KCNQ5: variants seen among roughly 807,000 people sequenced by gnomAD.
The protein encoded by KCNQ5 is potassium voltage-gated channel subfamily Q member 5, also known as potassium voltage-gated channel subfamily KQT member 5.
In KCNQ5, 30 loss-of-function variants were observed where a neutral mutation model predicts 98.2. The observed-to-expected ratio is 0.31, with a 90% CI of 0.23 to 0.41. KCNQ5 has a LOEUF of 0.41. KCNQ5 is among the 10% of genes least tolerant of loss of function. The probability of loss-of-function intolerance (pLI) is 1.00; values close to 1 mark genes in which losing one functional copy is unlikely to be tolerated. For missense variants in KCNQ5, 835 were observed against 1,182.5 expected (o/e 0.71, Z 4.31); for synonymous variants, 458 against 449.4 (o/e 1.02, Z -0.24).
intron 2 of KCNQ5, among the ~76,000 whole-genome samples, chr6:73,032,604 C>G (rs578257316): frequency 6.6e-6 from 1 of 152,262 alleles, no homozygotes; most frequent in South Asian, 2.1e-4. Context: ...TGATCTGATT[C>G]AGGACATTGA....
chr6:72,805,653 G>C (rs888006684), intron 1 of KCNQ5, among the ~76,000 whole-genome samples: 11 of 151,946 alleles, frequency 7.2e-5, no homozygotes, highest in African/African-American at 2.7e-4. Context: ...GCTATTCTGG[G>C]TCTTTTGTGA....
At chr6:72,738,034 AGTT>A (rs57528680) in intron 1 of KCNQ5, among the ~76,000 whole-genome samples, 17,062 of 152,106 alleles carry the variant, frequency 0.11, 1,006 homozygotes, top group South Asian at 0.18. Flanking sequence ...GGGCGCCTGT[AGTT>A]CCAACTACTC....
chr6:72,663,014 T>G (rs1370097776), intron 1 of KCNQ5, among the ~76,000 whole-genome samples: 2 of 152,090 alleles, frequency 1.3e-5, no homozygotes, highest in South Asian at 2.1e-4. Context: ...GCTTGAGAAT[T>G]AAAATAATCC....
intron 1 of KCNQ5, among the ~76,000 whole-genome samples, chr6:72,932,446 C>T (rs1049021891): frequency 6.6e-6 from 1 of 152,112 alleles, no homozygotes; most frequent in Non-Finnish European, 1.5e-5. Flanking sequence ...GACCTGAAAG[C>T]AGTTGACTTG....
intron 1 of KCNQ5, among the ~76,000 whole-genome samples, chr6:72,690,760 A>C (rs1411611191): frequency 6.6e-6 from 1 of 151,934 alleles, no homozygotes; most frequent in East Asian, 1.9e-4. Context: ...TTATTTCTTA[A>C]GCCACAACAA....
intron 2 of KCNQ5, among the ~76,000 whole-genome samples, chr6:73,018,060 G>C (rs1770430548): frequency 6.6e-6 from 1 of 152,092 alleles, no homozygotes; most frequent in Non-Finnish European, 1.5e-5. Flanking sequence ...TCAAAAGAAA[G>C]AGAAATCCCA....
chr6:72,947,431 C>T (rs1222165396), intron 1 of KCNQ5, among the ~76,000 whole-genome samples: 2 of 152,158 alleles, frequency 1.3e-5, no homozygotes, highest in African/African-American at 4.8e-5. Context: ...GCAAGACTTA[C>T]TGCTTACTTA....
chr6:72,790,130 A>G (rs1488096320), intron 1 of KCNQ5, among the ~76,000 whole-genome samples: 1 of 152,254 alleles, frequency 6.6e-6, no homozygotes, highest in Non-Finnish European at 1.5e-5. Flanking sequence ...TCTTAAAGCA[A>G]TGCTGTTGAT....
chr6:73,095,215 C>T (rs546516706), intron 5 of KCNQ5, among the ~76,000 whole-genome samples: 49 of 152,316 alleles, frequency 3.2e-4, no homozygotes, highest in African/African-American at 1.2e-3. Context: ...AATTCTATTG[C>T]TGAGACTTTC....
intron 1 of KCNQ5, among the ~76,000 whole-genome samples, chr6:72,922,121 G>A (rs2150218236): frequency 6.6e-6 from 1 of 152,216 alleles, no homozygotes; most frequent in Middle Eastern, 3.4e-3. Flanking sequence ...CTTCGTATTT[G>A]TGGACATATT....
intron 1 of KCNQ5, among the ~76,000 whole-genome samples, chr6:72,765,738 C>T (rs1295183411): frequency 1.3e-5 from 2 of 151,874 alleles, no homozygotes; most frequent in African/African-American, 4.8e-5. Context: ...GATGAGTTAC[C>T]ACTGTGGCTT....
At chr6:72,902,962 C>T (rs1779567886) in intron 1 of KCNQ5, among the ~76,000 whole-genome samples, 1 of 151,988 alleles carries the variant, frequency 6.6e-6, no homozygotes, top group Non-Finnish European at 1.5e-5. Flanking sequence ...TCCATCTGGT[C>T]CTGGACTTTT....
chr6:73,086,116 G>A (rs185436769), intron 5 of KCNQ5, among the ~76,000 whole-genome samples: 12 of 151,892 alleles, frequency 7.9e-5, no homozygotes, highest in Admixed American at 6.6e-4. Context: ...GATTAATTTG[G>A]CTCCTGTAAA....
intron 3 of KCNQ5, among the ~76,000 whole-genome samples, chr6:73,061,271 TTAAC>T (rs1167155378): frequency 1.3e-5 from 2 of 152,178 alleles, no homozygotes. Context: ...ATAAAAATGT[TTAAC>T]TGAGGATAGC....
At chr6:73,082,896 T>TTTTGAGACACCAAACC (rs1773836430) in intron 5 of KCNQ5, among the ~76,000 whole-genome samples, 1 of 149,316 alleles carries the variant, frequency 6.7e-6, no homozygotes, top group Non-Finnish European at 1.5e-5. Flanking sequence ...CCTTTTTTTT[T>TTTTGAGACACCAAACC]TTTTTTTTTT....
intron 7 of KCNQ5, among the ~76,000 whole-genome samples, chr6:73,114,837 G>A (rs1775418185): frequency 6.6e-6 from 1 of 152,168 alleles, no homozygotes; most frequent in Non-Finnish European, 1.5e-5. Flanking sequence ...ATTAGAAGAT[G>A]TTGCTTTGAT....
chr6:72,817,841 C>T (rs1278114673), intron 1 of KCNQ5, among the ~76,000 whole-genome samples: 1 of 151,994 alleles, frequency 6.6e-6, no homozygotes. Context: ...TTGCAGTGAG[C>T]CGTGATTGCA....
At position 72,782,374 on chromosome 6, in the gene KCNQ5, C is replaced by T. The variant is rs188032027; in HGVS notation, c.398+159787C>T. On this transcript the variant is annotated intron_variant, in intron 1 of 13. Coordinates refer to ENST00000370398, the MANE Select transcript of KCNQ5 (RefSeq NM_019842.4). ...CACCCTATACCGTGGTCCCACACAG[C>T]GCAGTTCATTTCATGCTTCCCCATG... 1.7e-4 allele frequency among the ~76,000 whole-genome samples: 26 copies of T among 152,248 alleles called. No homozygotes were observed. In the East Asian group the frequency reaches 3.1e-3, roughly 18 times the overall value.
intron 1 of KCNQ5, among the ~76,000 whole-genome samples, chr6:72,854,518 A>G (rs1038092433): frequency 1.3e-5 from 2 of 151,892 alleles, no homozygotes; most frequent in Admixed American, 1.3e-4. Flanking sequence ...ATTTTTAAAA[A>G]TAATCCAAAA....
Sources: allele counts gnomAD v4.1 joint callset (sites outside exome capture counted in the v4.1 genomes callset), GRCh38; gene constraint gnomAD v4.1.1; transcripts MANE v1.5; gene names NCBI Gene and HGNC (gene_info 2026-07-23, HGNC 2026-07-21).